The following NTS variants were observed in gnomAD, a reference collection of about 807,000 sequenced individuals.
NTS encodes the protein neurotensin/neuromedin N.
A neutral mutation model predicts 19.5 loss-of-function variants in NTS; 20 were observed. The ratio of observed to expected loss-of-function variants is 1.02; its 90% CI spans 0.72 to 1.49. The LOEUF (loss-of-function observed/expected upper bound fraction) is 1.49, where lower values mean the gene tolerates loss of function less well. Among genes scored for constraint, NTS ranks in the 40% most tolerant of loss-of-function variants. The pLI is 0.00. For synonymous variants in NTS, 71 were observed against 63.3 expected, an observed-to-expected ratio of 1.12 and a Z score of -0.58; for missense variants, 215 against 193.1, an observed-to-expected ratio of 1.11 and a Z score of -0.67.
rs751627536 is a variant in NTS at position 85,879,071 on chromosome 12, TA to T, written c.360+504del. On this transcript the variant is annotated intron_variant, in intron 3 of 3. Transcript: ENST00000256010. ...ATAAAATATATTTTTATGTATATTT[TA>T]ATGTACATAAAATATATTTTTATGT... is the stretch of plus-strand genomic sequence containing the variant. 8.6e-4 allele frequency among the ~76,000 whole-genome samples: 100 copies of T among 116,462 alleles called. No homozygotes were observed. In the East Asian group the frequency reaches 8.7e-3, roughly 10 times the overall value. 76.4% of individuals were successfully genotyped at this position (116,462 alleles called of 152,430 possible).
In NTS at chr12:85,876,695, A is replaced by C; in HGVS notation, c.129A>C (p.Thr43=). The part of the protein sequence containing the change: ...LEADFLTNMH[T]SKISKAHVPS... ...CAGATTTCTTGACCAATATGCATAC[A>C]TCAAAGGTAACTTTTTCTTTTCTTT... is the stretch of plus-strand genomic sequence containing the variant. Residue 43 remains threonine (T), a synonymous_variant, in exon 2 of 4, where the codon ACA becomes ACC. Coordinates refer to ENST00000256010, the MANE Select transcript of NTS (RefSeq NM_006183.5). The C allele has an allele frequency of 6.4e-7, 1 of 1,557,378 alleles. No homozygotes were observed. Among genetic ancestry groups the C allele is most frequent in the Non-Finnish European group, 8.8e-7 (1 of 1,142,104 alleles).
chr12:85,874,559 C>A, intron 1 of NTS, 83 bp downstream of exon 1: 2 of 913,318 alleles, frequency 2.2e-6, no homozygotes, highest in African/African-American at 1.6e-5. Context: ...GTTAATGTAT[C>A]TGGGGAGAAG....
In NTS at chr12:85,882,399, GTGATTGTGATTCATCATCCC is replaced by G. The variant is rs1881521592; in HGVS notation, c.*26_*45del. The G allele has an allele frequency of 6.9e-7, 1 of 1,457,406 alleles. No homozygotes were observed. The highest frequency in any genetic ancestry group is 1.4e-5 in the African/African-American group (1 of 69,178). 90.3% of individuals were successfully genotyped at this position (1,457,406 alleles called of 1,614,324 possible). ...GAGAGAATAAATCATTTATTTACAT[GTGATTGTGATTCATCATCCC>G]TTAATTAAATATCAAATTATATTTG... On this transcript the variant is annotated 3_prime_UTR_variant, in exon 4 of 4. Transcript: ENST00000256010.
intron 1 of NTS, among the ~76,000 whole-genome samples, chr12:85,875,405 C>G (rs1403101618): frequency 6.6e-6 from 1 of 151,956 alleles, no homozygotes; most frequent in African/African-American, 2.4e-5. Context: ...TTTTATGTAT[C>G]ATAAATATGA....
chr12:85,876,239 T>C (rs1399790151), intron 1 of NTS, among the ~76,000 whole-genome samples: 1 of 151,950 alleles, frequency 6.6e-6, no homozygotes, highest in Non-Finnish European at 1.5e-5. Context: ...TGTATAGTCT[T>C]CATTATGTTG....
intron 2 of NTS, 90 bp from the exon 3 acceptor site, chr12:85,878,255 C>A: frequency 2.2e-6 from 2 of 893,306 alleles, no homozygotes; most frequent in Admixed American, 2.4e-5. Flanking sequence ...GCAATTAGAC[C>A]CTAAATGTGA....
chr12:85,876,582 A>C, intron 1 of NTS, 58 bp from the exon 2 acceptor site: 1 of 1,007,920 alleles, frequency 9.9e-7, no homozygotes, highest in South Asian at 1.8e-5. Context: ...AAATCTGTAG[A>C]TTATGATATA....
At position 85,878,480 on chromosome 12, in the gene NTS, A is replaced by G. The variant is rs778788069; in HGVS notation, c.271A>G (p.Thr91Ala). The change falls in exon 3 of 4, where the codon ACT (threonine) becomes GCT (alanine). Residue 91 changes from threonine (T) to alanine (A), a missense_variant. Physicochemically the swap from Thr to Ala is moderately conservative, Grantham distance 58. Coordinates refer to ENST00000256010, the MANE Select transcript of NTS (RefSeq NM_006183.5). ...GCTTGTTGCAAGAAGGAAACTTCCTACTGCTTTAGATGGCTTTAGCTTGGA... is the reference window on the plus strand; with the variant it reads ...GCTTGTTGCAAGAAGGAAACTTCCTGCTGCTTTAGATGGCTTTAGCTTGGA... ...EELVARRKLPTALDGFSLEAM... is the reference protein window; with the variant it reads ...EELVARRKLPAALDGFSLEAM... 3 of 1,613,802 alleles carry G rather than the reference A, an allele frequency of 1.9e-6. No homozygotes were observed. Among genetic ancestry groups the G allele is most frequent in the Non-Finnish European group, 8.5e-7 (1 of 1,179,872 alleles).
rs535042959 is a variant in NTS, at chr12:85,875,969, G to GT, written c.74-665dup. On this transcript the variant is annotated intron_variant, in intron 1 of 3. Transcript: ENST00000256010. ...ATTCATTAACAGAAACTTGGATAGA[G>GT]TTTTTTAAAAATCCAGAGATCCATT... Among the ~76,000 whole-genome samples, 16 of 152,028 alleles carry GT rather than the reference G, an allele frequency of 1.1e-4. No individual in the cohort carries two copies. The South Asian group carries it at 3.3e-3, about 32-fold the overall frequency.
chr12:85,879,281 ACC>A (rs1441649078), intron 3 of NTS, among the ~76,000 whole-genome samples: 462 of 2,434 alleles, frequency 0.19, 230 homozygotes, highest in Middle Eastern at 1. Context: ...TTATGTATAT[ACC>A]ATATATTTTA....
chr12:85,882,360 T>G lies in NTS; in HGVS notation c.498T>G (p.Asp166Glu). Residue 166 changes from aspartate to glutamate, a missense_variant, in exon 4 of 4, where the codon GAT becomes GAG. Transcript: ENST00000256010. ...KPRRPYILKR[D>E]SYYY ...GAAGACCCTACATACTCAAAAGAGA[T>G]TCTTACTATTACTGAGAGAATAAAT... is the stretch of plus-strand genomic sequence containing the variant. 6.3e-7 allele frequency: 1 copy of G among 1,576,626 alleles called. No homozygotes were observed. Among genetic ancestry groups the G allele is most frequent in the Middle Eastern group, 1.7e-4 (1 of 5,918 alleles).
At chr12:85,881,554 G>A (rs1034473717) in intron 3 of NTS, among the ~76,000 whole-genome samples, 1 of 151,992 alleles carries the variant, frequency 6.6e-6, no homozygotes, top group African/African-American at 2.4e-5. Flanking sequence ...GATTCTACAT[G>A]GTGCTTAACT....
Position 85,882,576 on chromosome 12 carries a change from G to T in NTS, c.*201G>T. ...CTAAATCTTCAGCATGATGTGTTGT[G>T]TATAATTGGAGTAGATATTAATTAA... On this transcript the variant is annotated 3_prime_UTR_variant, in exon 4 of 4. Transcript: ENST00000256010. 1 of 453,830 alleles carries T rather than the reference G, an allele frequency of 2.2e-6. No homozygotes were observed. The highest frequency in any genetic ancestry group is 3.9e-6 in the Non-Finnish European group (1 of 259,376). The allele number at this position is 453,830 out of a possible 1,614,324, so 28.1% of individuals were successfully genotyped here. A position where few individuals can be genotyped will look rare whatever the true frequency, so the allele number is the denominator to read the frequency against.
chr12:85,877,038 A>C (rs1331794396), intron 2 of NTS, among the ~76,000 whole-genome samples: 2 of 152,128 alleles, frequency 1.3e-5, no homozygotes, highest in Non-Finnish European at 2.9e-5. Context: ...AAATGAAAAC[A>C]AAGTGAGCTC....
intron 1 of NTS, among the ~76,000 whole-genome samples, chr12:85,876,180 A>G (rs1012035645): frequency 2.6e-5 from 4 of 151,978 alleles, no homozygotes; most frequent in African/African-American, 9.7e-5. Flanking sequence ...TTATTATTCT[A>G]AAATTATCAG....
intron 2 of NTS, 66 bp downstream of exon 2, chr12:85,876,767 C>A: frequency 1.2e-6 from 1 of 822,624 alleles, no homozygotes; most frequent in Middle Eastern, 2.4e-4. Context: ...AACATGGTAT[C>A]CTTTTCCCAT....
At position 85,882,385 on chromosome 12, in the gene NTS, T is replaced by G; in HGVS notation, c.*10T>G. 6.5e-7 allele frequency: 1 copy of G among 1,528,894 alleles called. No individual in the cohort carries two copies. The highest frequency in any genetic ancestry group is 8.8e-7 in the Non-Finnish European group (1 of 1,137,862). The allele number at this position is 1,528,894 out of a possible 1,614,324, so 94.7% of individuals were successfully genotyped here. ...TTCTTACTATTACTGAGAGAATAAA[T>G]CATTTATTTACATGTGATTGTGATT... On this transcript the variant is annotated 3_prime_UTR_variant, in exon 4 of 4. Coordinates refer to ENST00000256010, the MANE Select transcript of NTS (RefSeq NM_006183.5).
chr12:85,882,292 A>C lies in NTS; in HGVS notation c.430A>C (p.Ile144Leu). 1 of 1,608,784 alleles carries C rather than the reference A, an allele frequency of 6.2e-7. No individual in the cohort carries two copies. The highest frequency in any genetic ancestry group is 8.5e-7 in the Non-Finnish European group (1 of 1,177,484). The part of the protein sequence containing the change: ...NGKEEVIKRK[I>L]PYILKRQLYE... ...AAAGGAAGAAGTCATAAAGAGAAAAATTCCTTATATTCTGAAACGGCAGCT... is the reference window on the plus strand; with the variant it reads ...AAAGGAAGAAGTCATAAAGAGAAAACTTCCTTATATTCTGAAACGGCAGCT... Residue 144 changes from isoleucine (I) to leucine (L), a missense_variant, in exon 4 of 4, where the codon ATT becomes CTT. Physicochemically the swap from Ile to Leu is conservative, Grantham distance 5 (BLOSUM62 2). Coordinates refer to ENST00000256010, the MANE Select transcript of NTS (RefSeq NM_006183.5).
chr12:85,882,457 A>G lies in NTS; in HGVS notation c.*82A>G. The G allele has an allele frequency of 9.1e-7, 1 of 1,096,336 alleles. No homozygotes were observed. Among genetic ancestry groups the G allele is most frequent in the Non-Finnish European group, 1.3e-6 (1 of 769,158 alleles). 67.9% of individuals were successfully genotyped at this position (1,096,336 alleles called of 1,614,324 possible). A position where few individuals can be genotyped will look rare whatever the true frequency, so the allele number is the denominator to read the frequency against. ...CAAATTATATTTGTGTGAAAATGTG[A>G]CAAACACACTTATCTGTCTCTTCTA... On this transcript the variant is annotated 3_prime_UTR_variant, in exon 4 of 4. Transcript: ENST00000256010.
Sources: gnomAD v4.1 joint callset for allele counts (sites outside exome capture counted in the v4.1 genomes callset) on GRCh38, gnomAD v4.1.1 for gene constraint, MANE v1.5 for transcripts, NCBI Gene and HGNC (gene_info 2026-07-23, HGNC 2026-07-21) for gene names.